The following TMPRSS15 variants were observed in gnomAD, a reference collection of about 807,000 sequenced individuals.
TMPRSS15 encodes the protein transmembrane serine protease 15, also known as enteropeptidase.
TMPRSS15 carries 128 observed loss-of-function variants against 125.3 expected under a neutral mutation model. The ratio of observed to expected loss-of-function variants is 1.02; its 90% CI spans 0.89 to 1.18. The LOEUF is 1.18. Among genes scored for constraint, TMPRSS15 ranks in the 50% most tolerant of loss-of-function variants. The probability of loss-of-function intolerance (pLI) is 0.00; values close to 1 mark genes in which losing one functional copy is unlikely to be tolerated. For missense variants in TMPRSS15, 1,283 were observed against 1,212.7 expected (o/e 1.06, Z -0.86); for synonymous variants, 446 against 423.2 (o/e 1.05, Z -0.66).
At chr21:18,296,706 T>A (rs148369644) in intron 19 of TMPRSS15, among the ~76,000 whole-genome samples, 1 of 152,318 alleles carries the variant, frequency 6.6e-6, no homozygotes, top group African/African-American at 2.4e-5. Flanking sequence ...AGGATCTATA[T>A]GGTAATATAA....
intron 1 of TMPRSS15, among the ~76,000 whole-genome samples, chr21:18,482,763 T>C (rs1046001734): frequency 6.6e-6 from 1 of 151,748 alleles, no homozygotes; most frequent in Non-Finnish European, 1.5e-5. Flanking sequence ...GGTGTGCTTT[T>C]TTCCTTATAT....
rs151267775 is a variant in TMPRSS15 at position 18,385,813 on chromosome 21, C to T, written c.345-2035G>A. Among the ~76,000 whole-genome samples, 605 of 152,074 alleles carry T rather than the reference C, an allele frequency of 4.0e-3. 4 individuals carry two copies. The highest frequency in any genetic ancestry group is 0.014 in the African/African-American group (568 of 41,482). ...GGCTGGAGTGCAGCGGCACGATCTC[C>T]GCTCACTGCAACCTTCGCCTCCCGG... On this transcript the variant is annotated intron_variant, in intron 3 of 24. Transcript: ENST00000284885.
Position 18,459,510 on chromosome 21 carries a change from G to C in TMPRSS15, c.10+26289C>G, listed in dbSNP as rs571106915. ...GCTAGTCTCGAACTCCTGGCCTCAA[G>C]TGATCCACCTGCCTCATCCTCCCAA... On this transcript the variant is annotated intron_variant, in intron 1 of 7. Coordinates refer to the TMPRSS15 transcript ENST00000422787. Among the ~76,000 whole-genome samples the C allele has an allele frequency of 2.0e-5, 3 of 152,244 alleles. No individual in the cohort carries two copies. The South Asian group carries it at 6.2e-4, about 32-fold the overall frequency.
intron 1 of TMPRSS15, among the ~76,000 whole-genome samples, chr21:18,409,146 TTTAATAGTGTG>T (rs1456712426): frequency 4.1e-4 from 63 of 152,250 alleles, no homozygotes; most frequent in Non-Finnish European, 7.4e-4. Context: ...TGAAGATTTT[TTTAATAGTGTG>T]TTTTTTTTTC....
chr21:18,342,567 A>G (rs975976332), intron 12 of TMPRSS15, among the ~76,000 whole-genome samples: 2 of 152,218 alleles, frequency 1.3e-5, no homozygotes, highest in African/African-American at 4.8e-5. Flanking sequence ...CTCAATGAGT[A>G]TAGCCACATC....
At chr21:18,321,679 A>AT (rs2075239621) in intron 16 of TMPRSS15, among the ~76,000 whole-genome samples, 1 of 151,936 alleles carries the variant, frequency 6.6e-6, no homozygotes, top group East Asian at 1.9e-4. Flanking sequence ...CCCATTTATA[A>AT]TTTTTTCTAA....
At chr21:18,350,944 T>C (rs1359606562) in intron 10 of TMPRSS15, among the ~76,000 whole-genome samples, 1 of 152,040 alleles carries the variant, frequency 6.6e-6, no homozygotes, top group African/African-American at 2.4e-5. Flanking sequence ...TACTGATGAC[T>C]CTGAAATATA....
intron 18 of TMPRSS15, among the ~76,000 whole-genome samples, chr21:18,302,655 C>G (rs1372721769): frequency 6.6e-6 from 1 of 152,148 alleles, no homozygotes; most frequent in East Asian, 1.9e-4. Context: ...GTGCAAGCTA[C>G]TGTATTAAGA....
At chr21:18,404,642 C>G (rs2076133945), upstream of TMPRSS15, among the ~76,000 whole-genome samples, 1 of 152,030 alleles carries the variant, frequency 6.6e-6, no homozygotes, top group East Asian at 1.9e-4. Context: ...CGAATCTATT[C>G]TGAAGTAAAC....
At chr21:18,279,118 C>A (rs983001893) in intron 22 of TMPRSS15, 59 bp from the exon 23 acceptor site, 41 of 902,644 alleles carry the variant, frequency 4.5e-5, no homozygotes, top group Non-Finnish European at 7.0e-5. Flanking sequence ...AACAGATTTA[C>A]AAGCATTTCT....
At chr21:18,484,773 A>G (rs556758633) in intron 1 of TMPRSS15, among the ~76,000 whole-genome samples, 3 of 151,586 alleles carry the variant, frequency 2.0e-5, no homozygotes, top group South Asian at 2.1e-4. Flanking sequence ...CCCACTCTCT[A>G]TTTTCTTCCA....
chr21:18,457,253 G>A (rs181164635), intron 1 of TMPRSS15, among the ~76,000 whole-genome samples: 1 of 152,150 alleles, frequency 6.6e-6, no homozygotes, highest in East Asian at 1.9e-4. Context: ...TACAGAGTTA[G>A]ACACGAAAAA....
At chr21:18,283,783 A>G (rs2074731056) in intron 21 of TMPRSS15, among the ~76,000 whole-genome samples, 1 of 152,174 alleles carries the variant, frequency 6.6e-6, no homozygotes, top group Admixed American at 6.5e-5. Flanking sequence ...AAATTAAGGT[A>G]TTTCAGAGAA....
intron 1 of TMPRSS15, among the ~76,000 whole-genome samples, chr21:18,419,284 G>C (rs1212271521): frequency 7.0e-6 from 1 of 142,980 alleles, no homozygotes; most frequent in African/African-American, 2.6e-5. Context: ...GGAGTGCAGT[G>C]GTGCTATCTC....
intron 1 of TMPRSS15, among the ~76,000 whole-genome samples, chr21:18,453,153 ATT>A (rs1302568732): frequency 2.0e-5 from 3 of 152,182 alleles, no homozygotes; most frequent in Non-Finnish European, 4.4e-5. Context: ...CCTTTAAAAG[ATT>A]TTTTTGTATT....
chr21:18,454,916 T>A (rs149589297), intron 1 of TMPRSS15, among the ~76,000 whole-genome samples: 6 of 152,246 alleles, frequency 3.9e-5, no homozygotes, highest in African/African-American at 1.2e-4. Flanking sequence ...AATTTAACTA[T>A]CACAGTATGT....
intron 1 of TMPRSS15, among the ~76,000 whole-genome samples, chr21:18,482,729 G>A (rs1447523498): frequency 1.3e-5 from 2 of 151,466 alleles, no homozygotes; most frequent in Non-Finnish European, 3.0e-5. Context: ...TCCAAATGAA[G>A]CTTATTTAAA....
At chr21:18,316,963 C>T (rs542692130) in intron 16 of TMPRSS15, among the ~76,000 whole-genome samples, 1 of 152,186 alleles carries the variant, frequency 6.6e-6, no homozygotes, top group South Asian at 2.1e-4. Context: ...GGCTCAATGT[C>T]TTATCCCCTA....
rs563727316 is a variant in TMPRSS15 at position 18,277,612 on chromosome 21, T to G, written c.2764+1352A>C. Reference sequence around the variant, plus strand: ...CAGTGTCATTGCTGTGAAGAACTTTTGTAGGAGTTATCAGAAAAGCATTTG... The same window carrying G: ...CAGTGTCATTGCTGTGAAGAACTTTGGTAGGAGTTATCAGAAAAGCATTTG... On this transcript the variant is annotated intron_variant, in intron 23 of 24. Transcript: ENST00000284885. Among the ~76,000 whole-genome samples the G allele has an allele frequency of 3.7e-4, 56 of 152,350 alleles. 1 individual carries two copies. The South Asian group carries it at 0.011, about 30-fold the overall frequency.
Sources: gnomAD v4.1 joint callset for allele counts (sites outside exome capture counted in the v4.1 genomes callset) on GRCh38, gnomAD v4.1.1 for gene constraint, MANE v1.5 for transcripts, NCBI Gene and HGNC (gene_info 2026-07-23, HGNC 2026-07-21) for gene names.